The following NUS1 variants were observed in gnomAD, a reference collection of about 807,000 sequenced individuals.
NUS1 encodes dehydrodolichyl diphosphate synthase complex subunit NUS1.
For missense variants in NUS1, 292 were observed against 382.9 expected, an observed-to-expected ratio of 0.76 and a Z score of 1.98; for synonymous variants, 135 against 155.2, an observed-to-expected ratio of 0.87 and a Z score of 0.97.
chr6:117,684,154 T>C (rs4520041), intron 1 of NUS1, among the ~76,000 whole-genome samples: 149,342 of 152,298 alleles, frequency 0.98, 73,290 homozygotes, highest in East Asian at 1. Flanking sequence ...GCTAGTGTAG[T>C]CAAAAATGGC....
At position 117,707,023 on chromosome 6, in the gene NUS1, T is replaced by C. The variant is rs550858100; in HGVS notation, c.*8T>C. The C allele has an allele frequency of 6.2e-7, 1 of 1,611,008 alleles. No individual in the cohort carries two copies. The highest frequency in any genetic ancestry group is 8.5e-7 in the Non-Finnish European group (1 of 1,177,652). The stretch of plus-strand genomic sequence containing the variant: ...CAGCGTCTGGGAAAGTAGTGGTCAT[T>C]GGTTGCATAATTTGATTTGAGGCTT... On this transcript the variant is annotated 3_prime_UTR_variant, in exon 5 of 5. Transcript: ENST00000368494.
chr6:117,675,874 C>G lies in NUS1; in HGVS notation c.204C>G (p.His68Gln). ...CGGCAGTCGGCAGGAACCGCCGTCACCACCGGCACCCGCGCGGGGGGTCGT... is the reference window on the plus strand; with the variant it reads ...CGGCAGTCGGCAGGAACCGCCGTCAGCACCGGCACCCGCGCGGGGGGTCGT... ...KPPAVGRNRR[H>Q]HRHPRGGSCL... Residue 68 changes from histidine to glutamine, a missense_variant, in exon 1 of 5, where the codon CAC becomes CAG. By Grantham distance (24) the His-to-Gln change is conservative (BLOSUM62 0). Transcript: ENST00000368494. The G allele has an allele frequency of 6.5e-7, 1 of 1,533,082 alleles. No homozygotes were observed. Among genetic ancestry groups the G allele is most frequent in the East Asian group, 2.5e-5 (1 of 40,678 alleles). 95.0% of individuals were successfully genotyped at this position (1,533,082 alleles called of 1,614,324 possible). A position where few individuals can be genotyped will look rare whatever the true frequency, so the allele number is the denominator to read the frequency against.
At chr6:117,698,364 A>G (rs368399369) in intron 3 of NUS1, among the ~76,000 whole-genome samples, 3 of 152,128 alleles carry the variant, frequency 2.0e-5, no homozygotes, top group African/African-American at 7.2e-5. Flanking sequence ...CAGAAATTCA[A>G]AGGATCATTA....
At chr6:117,705,786 G>C (rs1040580469) in intron 4 of NUS1, among the ~76,000 whole-genome samples, 1 of 152,080 alleles carries the variant, frequency 6.6e-6, no homozygotes, top group African/African-American at 2.4e-5. Context: ...GAGGACATTT[G>C]AAGCAAGCTT....
chr6:117,694,202 T>C (rs1299563824), intron 3 of NUS1, 22 bp downstream of exon 3: 3 of 1,326,986 alleles, frequency 2.3e-6, no homozygotes, highest in Non-Finnish European at 3.1e-6. Flanking sequence ...TATATATATA[T>C]ACATATATAT....
In NUS1 at chr6:117,675,525, G is replaced by A; in HGVS notation, c.-146G>A. ...AGGAAGATGGCGGCGGGGGCGAGGT[G>A]AGGTGTTGGCAGTGGAAAGGGGTTC... is the stretch of plus-strand genomic sequence containing the variant. On this transcript the variant is annotated 5_prime_UTR_variant, in exon 1 of 5. It removes the in-frame stop codon of an upstream open reading frame in the 5' UTR. Coordinates refer to ENST00000368494, the MANE Select transcript of NUS1 (RefSeq NM_138459.5). The A allele has an allele frequency of 1.4e-6, 1 of 740,242 alleles. No homozygotes were observed. Among genetic ancestry groups the A allele is most frequent in the South Asian group, 1.8e-5 (1 of 56,628 alleles). The allele number at this position is 740,242 out of a possible 1,614,324, so 45.9% of individuals were successfully genotyped here.
At chr6:117,686,870 G>A (rs989385370) in intron 1 of NUS1, among the ~76,000 whole-genome samples, 1 of 150,872 alleles carries the variant, frequency 6.6e-6, no homozygotes, top group East Asian at 1.9e-4. Flanking sequence ...GTGTGTGTGT[G>A]TGTGTGTGTG....
At chr6:117,687,384 A>G (rs149754709) in intron 1 of NUS1, among the ~76,000 whole-genome samples, 31 of 152,372 alleles carry the variant, frequency 2.0e-4, no homozygotes, top group Admixed American at 5.2e-4. Flanking sequence ...ACATTCACAA[A>G]TAAGACTACA....
At chr6:117,684,185 T>C (rs577856680) in intron 1 of NUS1, among the ~76,000 whole-genome samples, 1 of 152,232 alleles carries the variant, frequency 6.6e-6, no homozygotes, top group Non-Finnish European at 1.5e-5. Flanking sequence ...TGTGGCTGTT[T>C]TCCATAGCAG....
chr6:117,678,681 T>G (rs1459954131), intron 1 of NUS1, among the ~76,000 whole-genome samples: 2 of 142,970 alleles, frequency 1.4e-5, no homozygotes, highest in Non-Finnish European at 3.1e-5. Context: ...TCAGTGGTTT[T>G]TTTTTTTTTT....
intron 2 of NUS1, 111 bp from the exon 3 acceptor site, chr6:117,693,920 C>A: frequency 1.7e-6 from 2 of 1,183,798 alleles, no homozygotes; most frequent in Non-Finnish European, 2.3e-6. Context: ...TTCTTGTTTA[C>A]TGTAAGAACT....
In NUS1 at chr6:117,676,807, C is replaced by G. The variant is rs367661694; in HGVS notation, c.415+722C>G. On this transcript the variant is annotated intron_variant, in intron 1 of 4. Coordinates refer to ENST00000368494, the MANE Select transcript of NUS1 (RefSeq NM_138459.5). ...TGCCTTTGGTTACACCACACTGTTT[C>G]TTTAAGAGAGCTTCCAGGCGCTGTT... is the stretch of plus-strand genomic sequence containing the variant. 4.2e-4 allele frequency among the ~76,000 whole-genome samples: 64 copies of G among 152,314 alleles called. 1 individual carries two copies. The East Asian group carries it at 8.1e-3, about 19-fold the overall frequency.
intron 1 of NUS1, among the ~76,000 whole-genome samples, chr6:117,689,167 G>A (rs1773180898): frequency 6.6e-6 from 1 of 152,204 alleles, no homozygotes; most frequent in African/African-American, 2.4e-5. Context: ...AGGAAGCATG[G>A]TGGTCATTAA....
Position 117,675,742 on chromosome 6 carries a change from C to G in NUS1, c.72C>G (p.Ser24=). Residue 24 remains serine (S), a synonymous_variant, in exon 1 of 5, where the codon TCC becomes TCG. Coordinates refer to ENST00000368494, the MANE Select transcript of NUS1 (RefSeq NM_138459.5). ...TCTGTCTGCACCGCACGCTCACCTC[C>G]TGGCTCCGCGTTCGGTTCGGCACCT... is the stretch of plus-strand genomic sequence containing the variant. ...ALLCLHRTLT[S]WLRVRFGTWN... 6.5e-7 allele frequency: 1 copy of G among 1,545,882 alleles called. No individual in the cohort carries two copies. Among genetic ancestry groups the G allele is most frequent in the Non-Finnish European group, 8.7e-7 (1 of 1,149,774 alleles).
intron 1 of NUS1, among the ~76,000 whole-genome samples, chr6:117,686,282 G>C: frequency 6.6e-6 from 1 of 151,768 alleles, no homozygotes; most frequent in Non-Finnish European, 1.5e-5. Flanking sequence ...TCTAGTCCTA[G>C]TTTTTTCGAA....
chr6:117,681,455 G>A (rs532727420), intron 1 of NUS1, among the ~76,000 whole-genome samples: 1 of 152,260 alleles, frequency 6.6e-6, no homozygotes, highest in South Asian at 2.1e-4. Flanking sequence ...TGCACTCTCT[G>A]CTTCCCAACA....
intron 1 of NUS1, among the ~76,000 whole-genome samples, chr6:117,684,507 G>A (rs1363639614): frequency 1.3e-5 from 2 of 152,020 alleles, no homozygotes; most frequent in African/African-American, 2.4e-5. Context: ...TTTCTATCCT[G>A]GTCCCTGTAT....
Position 117,710,569 on chromosome 6 carries a change from C to T in NUS1, c.*3554C>T, listed in dbSNP as rs530630987. On this transcript the variant is annotated 3_prime_UTR_variant, in exon 5 of 5. Coordinates refer to ENST00000368494, the MANE Select transcript of NUS1 (RefSeq NM_138459.5). Reference sequence around the variant, plus strand: ...TGGTGATCACCGAGAATTTTTTGTACTATATTTTAAAAAATGTATTCTACT... The same window carrying T: ...TGGTGATCACCGAGAATTTTTTGTATTATATTTTAAAAAATGTATTCTACT... 6.6e-6 allele frequency: 1 copy of T among 151,718 alleles called. No homozygotes were observed. The highest frequency in any genetic ancestry group is 2.4e-5 in the African/African-American group (1 of 41,344). The allele number at this position is 151,718 out of a possible 1,614,324, so 9.4% of individuals were successfully genotyped here.
At chr6:117,685,473 G>A (rs1773123557) in intron 1 of NUS1, among the ~76,000 whole-genome samples, 1 of 151,632 alleles carries the variant, frequency 6.6e-6, no homozygotes, top group South Asian at 2.1e-4. Context: ...TGAACTCCTG[G>A]GCAGCCTCCT....
Sources: allele counts gnomAD v4.1 joint callset (sites outside exome capture counted in the v4.1 genomes callset), GRCh38; gene constraint gnomAD v4.1.1; transcripts MANE v1.5; gene names NCBI Gene and HGNC (gene_info 2026-07-23, HGNC 2026-07-21).